Variants in CNTNAP2 observed in about 807,000 individuals in gnomAD.
The protein encoded by CNTNAP2 is contactin associated protein 2.
CNTNAP2 carries 98 observed loss-of-function variants against 155.2 expected under a neutral mutation model. The ratio of observed to expected loss-of-function variants is 0.63; its 90% confidence interval spans 0.54 to 0.75. CNTNAP2 has a LOEUF of 0.75. CNTNAP2 is among the 30% of genes least tolerant of loss of function. The pLI is 0.00. For missense variants in CNTNAP2, 1,727 were observed against 1,688.1 expected, an observed-to-expected ratio of 1.02 and a Z score of -0.40; for synonymous variants, 651 against 631.2, an observed-to-expected ratio of 1.03 and a Z score of -0.47.
intron 13 of CNTNAP2, among the ~76,000 whole-genome samples, chr7:147,701,894 C>G (rs1237593815): frequency 6.6e-6 from 1 of 152,068 alleles, no homozygotes; most frequent in Non-Finnish European, 1.5e-5. Context: ...GCGGAAGGAA[C>G]CCTGTTAGAG....
chr7:148,393,524 C>A (rs1799399886), intron 22 of CNTNAP2, among the ~76,000 whole-genome samples: 1 of 152,156 alleles, frequency 6.6e-6, no homozygotes, highest in Admixed American at 6.5e-5. Context: ...TTAGTTGTAT[C>A]CCACCTTTTG....
chr7:147,985,776 A>G (rs1801609384), intron 15 of CNTNAP2, among the ~76,000 whole-genome samples: 1 of 152,150 alleles, frequency 6.6e-6, no homozygotes, highest in Non-Finnish European at 1.5e-5. Context: ...ATGTTTGTTG[A>G]ATGAGGAAGA....
At chr7:146,299,551 T>A (rs1800571054) in intron 1 of CNTNAP2, among the ~76,000 whole-genome samples, 1 of 152,218 alleles carries the variant, frequency 6.6e-6, no homozygotes, top group South Asian at 2.1e-4. Context: ...CAGCTAATTT[T>A]TTAGTTATTT....
intron 1 of CNTNAP2, among the ~76,000 whole-genome samples, chr7:146,757,216 A>T (rs541019012): frequency 6.6e-6 from 1 of 152,264 alleles, no homozygotes; most frequent in African/African-American, 2.4e-5. Flanking sequence ...AAATGAGCAG[A>T]GTTGGCAGCG....
At chr7:148,380,059 T>C (rs959984625) in intron 21 of CNTNAP2, among the ~76,000 whole-genome samples, 2 of 152,228 alleles carry the variant, frequency 1.3e-5, no homozygotes, top group African/African-American at 2.4e-5. Flanking sequence ...GTAATCCATA[T>C]CGTTATGAAT....
intron 4 of CNTNAP2, chr7:147,082,913 C>T (rs1800166520): frequency 1.3e-5 from 2 of 152,046 alleles, no homozygotes; most frequent in Non-Finnish European, 2.9e-5. Context: ...ATGGCCACAC[C>T]CTTTCAGTTC....
At chr7:148,292,685 C>T (rs546860686) in intron 21 of CNTNAP2, among the ~76,000 whole-genome samples, 2 of 152,292 alleles carry the variant, frequency 1.3e-5, no homozygotes, top group South Asian at 2.1e-4. Context: ...TGGGGAGATT[C>T]GGTCTCACCT....
chr7:146,516,705 T>G (rs1007793652), intron 1 of CNTNAP2, among the ~76,000 whole-genome samples: 10 of 151,978 alleles, frequency 6.6e-5, no homozygotes, highest in Non-Finnish European at 1.5e-4. Context: ...CACTCCTGAA[T>G]GCATTAGGGT....
intron 21 of CNTNAP2, among the ~76,000 whole-genome samples, chr7:148,275,094 T>G (rs1470884187): frequency 6.6e-6 from 1 of 152,202 alleles, no homozygotes; most frequent in Non-Finnish European, 1.5e-5. Context: ...CAGGCACAGT[T>G]TCTGCCTTTG....
intron 12 of CNTNAP2, among the ~76,000 whole-genome samples, chr7:147,574,433 A>G (rs1584823997): frequency 6.6e-6 from 1 of 151,912 alleles, no homozygotes; most frequent in Non-Finnish European, 1.5e-5. Flanking sequence ...GTACAGTCCC[A>G]TTTTACTCCC....
chr7:146,452,056 G>A (rs981445098), intron 1 of CNTNAP2, among the ~76,000 whole-genome samples: 16 of 151,366 alleles, frequency 1.1e-4, no homozygotes, highest in African/African-American at 3.6e-4. Flanking sequence ...CTACAGGCAC[G>A]TGCCACCATA....
chr7:146,186,703 T>C (rs1253745235), intron 1 of CNTNAP2, among the ~76,000 whole-genome samples: 1 of 152,164 alleles, frequency 6.6e-6, no homozygotes, highest in Middle Eastern at 3.2e-3. Context: ...AATCTTCTGG[T>C]ATCTAATATT....
intron 1 of CNTNAP2, among the ~76,000 whole-genome samples, chr7:146,758,267 T>C (rs1476155703): frequency 6.6e-6 from 1 of 152,210 alleles, no homozygotes; most frequent in Non-Finnish European, 1.5e-5. Flanking sequence ...GTTTTCCTTT[T>C]TTCCTGCCCA....
chr7:147,868,601 C>A (rs560836308), intron 13 of CNTNAP2, among the ~76,000 whole-genome samples: 7 of 152,342 alleles, frequency 4.6e-5, no homozygotes, highest in African/African-American at 1.4e-4. Flanking sequence ...AGGCAGTAGG[C>A]CTTGCTGAGC....
chr7:147,581,655 G>A (rs1254954127), intron 12 of CNTNAP2, among the ~76,000 whole-genome samples: 1 of 152,150 alleles, frequency 6.6e-6, no homozygotes, highest in East Asian at 1.9e-4. Context: ...CATATTATCA[G>A]TGAATTTCCC....
intron 1 of CNTNAP2, among the ~76,000 whole-genome samples, chr7:146,531,544 C>CTTTTG (rs1481200717): frequency 5.9e-5 from 9 of 151,846 alleles, no homozygotes; most frequent in African/African-American, 2.2e-4. Context: ...TAATTTATAG[C>CTTTTG]TTTTGTTTTG....
At chr7:146,540,873 C>T (rs1452247248) in intron 1 of CNTNAP2, among the ~76,000 whole-genome samples, 1 of 151,936 alleles carries the variant, frequency 6.6e-6, no homozygotes, top group Non-Finnish European at 1.5e-5. Flanking sequence ...TATGCATATC[C>T]TATTGGTGAA....
chr7:147,450,874 A>G lies in CNTNAP2; in HGVS notation c.1671-35061A>G, dbSNP rs75363523. Among the ~76,000 whole-genome samples, 509 of 152,326 alleles carry G rather than the reference A, an allele frequency of 3.3e-3. 3 individuals carry two copies. Among genetic ancestry groups the G allele is most frequent in the African/African-American group, 0.012 (482 of 41,578 alleles). On this transcript the variant is annotated intron_variant, in intron 10 of 23. Coordinates refer to ENST00000361727, the MANE Select transcript of CNTNAP2 (RefSeq NM_014141.6). ...TATGTATTTGTCTGTCACCTCCATT[A>G]AACTGGACATTAATTCCTTATATTC...
chr7:148,091,401 A>T (rs887492282), intron 15 of CNTNAP2, among the ~76,000 whole-genome samples: 15 of 152,170 alleles, frequency 9.9e-5, no homozygotes, highest in Admixed American at 3.3e-4. Flanking sequence ...TTTAATTTTT[A>T]AAAATTTACA....
Sources: gnomAD v4.1 joint callset for allele counts (sites outside exome capture counted in the v4.1 genomes callset) on GRCh38, gnomAD v4.1.1 for gene constraint, MANE v1.5 for transcripts, NCBI Gene and HGNC (gene_info 2026-07-23, HGNC 2026-07-21) for gene names.